The following LDB3 variants were observed in gnomAD, a reference collection of about 807,000 sequenced individuals.
LDB3 encodes the protein LIM domain binding 3, also known as LIM domain-binding protein 3.
A neutral mutation model predicts 69.0 loss-of-function variants in LDB3; 49 were observed. The observed-to-expected ratio is 0.71, with a 90% CI of 0.56 to 0.90. LDB3 has a LOEUF of 0.90. LDB3 is among the 40% of genes least tolerant of loss of function. The probability of loss-of-function intolerance (pLI) is 0.00; values close to 1 mark genes in which losing one functional copy is unlikely to be tolerated. For synonymous variants in LDB3, 387 were observed against 396.2 expected (o/e 0.98, Z 0.28); for missense variants, 928 against 974.1 (o/e 0.95, Z 0.63).
rs73346127 is a variant in LDB3, at chr10:86,729,346, C to T, written c.2094+3094C>T. Among the ~76,000 whole-genome samples the T allele has an allele frequency of 5.0e-3, 762 of 152,250 alleles. 6 individuals carry two copies. The highest frequency in any genetic ancestry group is 0.017 in the African/African-American group (716 of 41,536). On this transcript the variant is annotated intron_variant, in intron 13 of 13. Transcript: ENST00000361373. ...TGAAAGTTAAGCTTCTGTCTGGCGT[C>T]GACACTTGAGTTCCAATGGAAAGGG...
intron 5 of LDB3, 106 bp from the exon 6 acceptor site, chr10:86,691,790 G>A: frequency 7.8e-7 from 1 of 1,284,146 alleles, no homozygotes. Flanking sequence ...AAGGCAAGGT[G>A]GGGACAGAAC....
At chr10:86,721,299 A>G (rs958436934) in intron 12 of LDB3, among the ~76,000 whole-genome samples, 1 of 152,026 alleles carries the variant, frequency 6.6e-6, no homozygotes, top group Non-Finnish European at 1.5e-5. Context: ...CTTCATTTTT[A>G]CGTCTCGTCA....
intron 12 of LDB3, among the ~76,000 whole-genome samples, chr10:86,725,221 G>T (rs1208285687): frequency 6.6e-6 from 1 of 152,202 alleles, no homozygotes; most frequent in Non-Finnish European, 1.5e-5. Flanking sequence ...TAGCCCCTTT[G>T]GGCCTAGAGA....
Position 86,686,818 on chromosome 10 carries a change from A to G in LDB3, c.689+5015A>G, listed in dbSNP as rs113972163. Among the ~76,000 whole-genome samples the G allele has an allele frequency of 0.08, 12,141 of 151,022 alleles. 544 individuals are homozygous for G. Among genetic ancestry groups the G allele is most frequent in the African/African-American group, 0.1 (4,146 of 41,120 alleles). On this transcript the variant is annotated intron_variant, in intron 5 of 13. Coordinates refer to ENST00000361373, the MANE Select transcript of LDB3 (RefSeq NM_007078.3). ...CGAGACCCTGTATCAAAAAAAAAAA[A>G]AAAGAAAGAAAAAAGAAAACCTTCT...
intron 12 of LDB3, among the ~76,000 whole-genome samples, chr10:86,725,545 A>C (rs1306826525): frequency 6.6e-6 from 1 of 152,234 alleles, no homozygotes; most frequent in African/African-American, 2.4e-5. Context: ...AACACCATCC[A>C]TGTGAAAATG....
In LDB3 at chr10:86,718,900, G is replaced by A. The variant is rs960531071; in HGVS notation, c.1978+53G>A. On this transcript the variant is annotated intron_variant, in intron 12 of 13. Transcript: ENST00000361373. ...AGGCCCCACAGCCTGGGAGAAAGGGGCAGGCACAGGGAACTAACTCCTGCC... is the reference window on the plus strand; with the variant it reads ...AGGCCCCACAGCCTGGGAGAAAGGGACAGGCACAGGGAACTAACTCCTGCC... 7.4e-6 allele frequency: 12 copies of A among 1,610,778 alleles called. No individual in the cohort carries two copies. In the South Asian group the frequency reaches 7.7e-5, roughly 10 times the overall value.
chr10:86,730,644 G>A (rs892478623), intron 13 of LDB3, among the ~76,000 whole-genome samples: 9 of 152,232 alleles, frequency 5.9e-5, no homozygotes, highest in South Asian at 2.1e-4. Context: ...TAAGGAAGAC[G>A]TATGGGCCCT....
chr10:86,674,646 A>G (rs1844680359), intron 2 of LDB3, among the ~76,000 whole-genome samples: 2 of 152,274 alleles, frequency 1.3e-5, no homozygotes, highest in East Asian at 3.9e-4. Context: ...TGAAGTGGGA[A>G]TGAAACACTC....
At chr10:86,692,618 C>A in intron 7 of LDB3, 47 bp downstream of exon 7, 1 of 1,572,362 alleles carries the variant, frequency 6.4e-7, no homozygotes. Flanking sequence ...CTAGCCCCGT[C>A]CCTCCCCGGG....
intron 8 of LDB3, 107 bp from the exon 9 acceptor site, chr10:86,709,798 A>T: frequency 8.4e-7 from 1 of 1,192,288 alleles, no homozygotes. Context: ...TGTCTCTGTC[A>T]GGTGTCCTCA....
At chr10:86,727,801 C>T (rs910653701) in intron 13 of LDB3, among the ~76,000 whole-genome samples, 2 of 151,890 alleles carry the variant, frequency 1.3e-5, no homozygotes, top group Non-Finnish European at 2.9e-5. Context: ...TGACATTCTC[C>T]TCTGAGTGTG....
chr10:86,679,396 C>T lies in LDB3; in HGVS notation c.123C>T (p.Ser41=), dbSNP rs147548646. The change falls in exon 3 of 14, where the codon TCC becomes TCT. Residue 41 remains serine, a synonymous_variant. Coordinates refer to ENST00000361373, the MANE Select transcript of LDB3 (RefSeq NM_007078.3). The stretch of plus-strand genomic sequence containing the variant: ...CACCAGGCAGCAAGGCAGCCCAGTC[C>T]CAGCTCAGCCAGGGTGACCTCGTGG... ...RITPGSKAAQ[S]QLSQGDLVVA... is the part of the protein sequence containing the mutation. The T allele has an allele frequency of 6.8e-6, 11 of 1,614,160 alleles. No homozygotes were observed. Among genetic ancestry groups the T allele is most frequent in the Non-Finnish European group, 8.5e-6 (10 of 1,180,032 alleles).
At chr10:86,684,995 C>T (rs1051082428) in intron 5 of LDB3, among the ~76,000 whole-genome samples, 3 of 152,208 alleles carry the variant, frequency 2.0e-5, no homozygotes, top group Non-Finnish European at 4.4e-5. Context: ...CTTCTCCCTG[C>T]GCCTGCTCGC....
chr10:86,709,545 C>T (rs982376774), intron 8 of LDB3, among the ~76,000 whole-genome samples: 1 of 152,136 alleles, frequency 6.6e-6, no homozygotes, highest in African/African-American at 2.4e-5. Flanking sequence ...AGGTGCCCCA[C>T]AAGGTCGTGG....
In LDB3 at chr10:86,702,430, G is replaced by A. The variant is rs558498029; in HGVS notation, c.897-4101G>A. ...CAAGGGCCACCATGGAAGAGCAGGG[G>A]CACACAGTCAACATGCTCCACCTTG... On this transcript the variant is annotated intron_variant, in intron 7 of 13. Transcript: ENST00000361373. Among the ~76,000 whole-genome samples the A allele has an allele frequency of 6.6e-5, 10 of 152,242 alleles. No individual in the cohort carries two copies. The East Asian group carries it at 1.7e-3, about 26-fold the overall frequency.
At chr10:86,690,301 C>A (rs12251655) in intron 5 of LDB3, among the ~76,000 whole-genome samples, 11,605 of 152,252 alleles carry the variant, frequency 0.076, 475 homozygotes, top group African/African-American at 0.085. Context: ...TGTTGCCCAT[C>A]TCACCCAGAC....
chr10:86,706,774 C>T (rs1358792576), intron 8 of LDB3, 55 bp downstream of exon 8: 1 of 1,545,660 alleles, frequency 6.5e-7, no homozygotes, highest in Non-Finnish European at 8.8e-7. Flanking sequence ...CAGGAAACGC[C>T]CCACTCTGGG....
Position 86,706,541 on chromosome 10 carries a change from G to T in LDB3, c.907G>T (p.Glu303Ter). ...GTCCCGCCTCATCAGCACCCCTATT[G>T]AGCATGCGCCGGTGTGCACCAGCCA... ...EALRRSSTPI[E>*]HAPVCTSQAT... Residue 303 changes from glutamate (E) to a stop codon, truncating the protein, a stop_gained, in exon 8 of 14, where the codon GAG (glutamate) becomes TAG (stop). Coordinates refer to ENST00000361373, the MANE Select transcript of LDB3 (RefSeq NM_007078.3). LOFTEE classifies it high-confidence loss of function. 1 of 1,612,574 alleles carries T rather than the reference G, an allele frequency of 6.2e-7. No homozygotes were observed. The highest frequency in any genetic ancestry group is 1.1e-5 in the South Asian group (1 of 91,072).
At chr10:86,686,826 GA>G (rs1845501209) in intron 5 of LDB3, among the ~76,000 whole-genome samples, 1 of 146,408 alleles carries the variant, frequency 6.8e-6, no homozygotes, top group Admixed American at 6.8e-5. Flanking sequence ...AAAAAAGAAA[GA>G]AAAAAGAAAA....
Sources: gnomAD v4.1 joint callset for allele counts (sites outside exome capture counted in the v4.1 genomes callset) on GRCh38, gnomAD v4.1.1 for gene constraint, MANE v1.5 for transcripts, NCBI Gene and HGNC (gene_info 2026-07-23, HGNC 2026-07-21) for gene names.